RALY: variants seen among roughly 807,000 people sequenced by gnomAD.
The protein encoded by RALY is RNA-binding protein Raly.
A neutral mutation model predicts 30.7 loss-of-function variants in RALY; 15 were observed. The observed-to-expected ratio is 0.49, with a 90% CI of 0.33 to 0.75. The LOEUF is 0.75. Ranked by LOEUF, RALY falls within the 30% of genes least tolerant of loss-of-function variation. The pLI, the probability that RALY is intolerant of heterozygous loss-of-function variation, is 0.02. For synonymous variants in RALY, 177 were observed against 170.8 expected, an observed-to-expected ratio of 1.04 and a Z score of -0.28; for missense variants, 339 against 414.3, an observed-to-expected ratio of 0.82 and a Z score of 1.58.
chr20:34,048,872 T>C (rs989492373), intron 2 of RALY, among the ~76,000 whole-genome samples: 6 of 86,834 alleles, frequency 6.9e-5, no homozygotes, highest in Non-Finnish European at 1.3e-4. Flanking sequence ...AAAAAAAAAA[T>C]TTTCTCTGCA....
intron 8 of RALY, 160 bp downstream of exon 8, chr20:34,077,405 C>T (rs536695206): frequency 2.0e-6 from 3 of 1,479,088 alleles, no homozygotes; most frequent in Non-Finnish European, 2.7e-6. Flanking sequence ...GAAGAATGAG[C>T]AGGGGGCACT....
chr20:34,043,632 A>G (rs775779413), intron 2 of RALY, among the ~76,000 whole-genome samples: 8 of 152,078 alleles, frequency 5.3e-5, no homozygotes, highest in Non-Finnish European at 1.0e-4. Context: ...CCTTTCTCCA[A>G]TCGTCTCCTC....
rs1321377421 is a variant in RALY, at chr20:34,084,466, A to G, written c.*4561A>G. 1 of 152,278 alleles carries G rather than the reference A, an allele frequency of 6.6e-6. No individual in the cohort carries two copies. The highest frequency in any genetic ancestry group is 6.5e-5 in the Admixed American group (1 of 15,280). The allele number at this position is 152,278 out of a possible 1,614,324, so 9.4% of individuals were successfully genotyped here. On this transcript the variant is annotated 3_prime_UTR_variant, in exon 10 of 10. Transcript: ENST00000246194. ...AAAAACAGGCATCCACTGTGTGGTT[A>G]TGTCTATTCTATAGATTTTGTAGAT...
intron 1 of RALY, among the ~76,000 whole-genome samples, chr20:34,021,392 C>G (rs866398101): frequency 6.6e-6 from 1 of 152,130 alleles, no homozygotes; most frequent in Non-Finnish European, 1.5e-5. Flanking sequence ...AGGGGCCGCC[C>G]GCATCTGGTG....
chr20:34,045,341 G>A (rs1053303063), intron 2 of RALY, among the ~76,000 whole-genome samples: 3 of 152,200 alleles, frequency 2.0e-5, no homozygotes, highest in Non-Finnish European at 4.4e-5. Context: ...ACCTCTCTAA[G>A]GAGGAAGATC....
chr20:34,051,228 C>T (rs954336684), intron 2 of RALY, among the ~76,000 whole-genome samples: 7 of 152,136 alleles, frequency 4.6e-5, no homozygotes, highest in South Asian at 2.1e-4. Context: ...TCCCACTTGA[C>T]AGTTGAGGAA....
intron 2 of RALY, among the ~76,000 whole-genome samples, chr20:34,046,041 C>T (rs2032869133): frequency 1.3e-5 from 2 of 152,222 alleles, no homozygotes; most frequent in Admixed American, 1.3e-4. Context: ...CACCTGCCCT[C>T]ACTTTAGCTT....
At chr20:34,046,125 GA>G (rs1451800433) in intron 2 of RALY, among the ~76,000 whole-genome samples, 4 of 152,192 alleles carry the variant, frequency 2.6e-5, no homozygotes, top group African/African-American at 9.7e-5. Context: ...CCTCTGCAAA[GA>G]CATGTTGCTA....
At position 34,069,805 on chromosome 20, in the gene RALY, G is replaced by T. The variant is rs2033676209; in HGVS notation, c.-9-2261G>T. Among the ~76,000 whole-genome samples the T allele has an allele frequency of 2.0e-5, 3 of 151,634 alleles. No homozygotes were observed. In the South Asian group the frequency reaches 6.3e-4, roughly 32 times the overall value. The stretch of plus-strand genomic sequence containing the variant: ...ATGAGTGGAACCAAAGGCAAACTGA[G>T]TAACAAGAGTCTGTCTCTTTCCAAG... On this transcript the variant is annotated intron_variant, in intron 2 of 9. Transcript: ENST00000246194.
At position 34,052,166 on chromosome 20, in the gene RALY, C is replaced by T. The variant is rs554360682; in HGVS notation, c.-9-19900C>T. ...TTGGGAAACATCAGATTGAATAATG[C>T]TAATAAGTAAATTTCTTTACCGCTG... On this transcript the variant is annotated intron_variant, in intron 2 of 9. Transcript: ENST00000246194. Among the ~76,000 whole-genome samples the T allele has an allele frequency of 2.0e-3, 305 of 152,298 alleles. 1 individual carries two copies. Among genetic ancestry groups the T allele is most frequent in the African/African-American group, 7.1e-3 (294 of 41,544 alleles).
At chr20:34,034,283 C>G (rs917776919) in intron 2 of RALY, among the ~76,000 whole-genome samples, 2 of 152,202 alleles carry the variant, frequency 1.3e-5, no homozygotes, top group African/African-American at 2.4e-5. Context: ...GGGCCATTCT[C>G]TTCGCACTGT....
intron 2 of RALY, among the ~76,000 whole-genome samples, chr20:34,064,804 A>G (rs944510368): frequency 6.6e-6 from 1 of 152,208 alleles, no homozygotes; most frequent in African/African-American, 2.4e-5. Flanking sequence ...CACCCATTAT[A>G]CTAGCACTTT....
rs2034076280 is a variant in RALY at position 34,084,705 on chromosome 20, CAGAGAGGCCACGT to C, written c.*4801_*4813del. The C allele has an allele frequency of 6.6e-6, 1 of 152,286 alleles. No individual in the cohort carries two copies. The highest frequency in any genetic ancestry group is 1.5e-5 in the Non-Finnish European group (1 of 68,106). 9.4% of individuals were successfully genotyped at this position (152,286 alleles called of 1,614,324 possible). A position where few individuals can be genotyped will look rare whatever the true frequency, so the allele number is the denominator to read the frequency against. On this transcript the variant is annotated 3_prime_UTR_variant, in exon 10 of 10. Coordinates refer to ENST00000246194, the MANE Select transcript of RALY (RefSeq NM_016732.3). ...ATGCTGTGAAGCAGCCCAGGCCACA[CAGAGAGGCCACGT>C]GTACATGTTCAGCTGACAGCAGTAT...
intron 2 of RALY, among the ~76,000 whole-genome samples, chr20:34,035,531 T>A (rs932781474): frequency 2.0e-5 from 3 of 152,202 alleles, no homozygotes; most frequent in Non-Finnish European, 4.4e-5. Flanking sequence ...CAAGTTTTTT[T>A]ATGATATCCT....
chr20:34,037,588 T>G (rs370093141), intron 2 of RALY, among the ~76,000 whole-genome samples: 73 of 152,258 alleles, frequency 4.8e-4, no homozygotes, highest in African/African-American at 1.7e-3. Context: ...GGCTTGCTGG[T>G]GACTTACTTG....
At chr20:34,032,513 G>T (rs563525046) in intron 2 of RALY, among the ~76,000 whole-genome samples, 2 of 151,956 alleles carry the variant, frequency 1.3e-5, no homozygotes, top group South Asian at 4.2e-4. Context: ...TGTGTGTTGG[G>T]GGGGGTTTTA....
chr20:34,038,864 G>A (rs1266881324), intron 2 of RALY, among the ~76,000 whole-genome samples: 2 of 152,188 alleles, frequency 1.3e-5, no homozygotes, highest in African/African-American at 2.4e-5. Context: ...CTGGCTTGGC[G>A]TTCAATCACT....
intron 9 of RALY, among the ~76,000 whole-genome samples, 172 bp from the exon 10 acceptor site, chr20:34,079,738 G>A (rs1229700080): frequency 6.6e-6 from 1 of 152,148 alleles, no homozygotes; most frequent in Non-Finnish European, 1.5e-5. Flanking sequence ...TCAGAGAGCG[G>A]GTGAGACTTG....
intron 2 of RALY, among the ~76,000 whole-genome samples, chr20:34,056,869 G>A (rs2123197258): frequency 6.6e-6 from 1 of 152,324 alleles, no homozygotes; most frequent in Middle Eastern, 3.4e-3. Flanking sequence ...TAAGCAATGT[G>A]TTGCCAGAGC....
Sources: allele counts gnomAD v4.1 joint callset (sites outside exome capture counted in the v4.1 genomes callset), GRCh38; gene constraint gnomAD v4.1.1; transcripts MANE v1.5; gene names NCBI Gene and HGNC (gene_info 2026-07-23, HGNC 2026-07-21).